The following HMCN2 variants were observed in gnomAD, a reference collection of about 807,000 sequenced individuals.
HMCN2 encodes the protein hemicentin-2.
HMCN2 carries 325 observed loss-of-function variants against 377.5 expected under a neutral mutation model. That is an observed-to-expected ratio of 0.86 (90% confidence interval 0.79 to 0.94). HMCN2 has a LOEUF of 0.94. Among genes scored for constraint, HMCN2 ranks in the 40% least tolerant of loss-of-function variants. The pLI is 0.00. For synonymous variants in HMCN2, 2,007 were observed against 2,046.8 expected (o/e 0.98, Z 0.53); for missense variants, 4,543 against 4,725.3 (o/e 0.96, Z 1.13).
At position 130,393,590 on chromosome 9, in the gene HMCN2, T is replaced by C. The variant is rs1467015204; in HGVS notation, c.10235-152T>C. On this transcript the variant is annotated intron_variant, in intron 67 of 97. Coordinates refer to ENST00000683500, the MANE Select transcript of HMCN2 (RefSeq NM_001291815.2). The surrounding 1 kb of genome is among the most constrained non-coding windows in gnomAD (Gnocchi z 5.2). ...CCAGGGAACTAGTGACACCAGGGGA[T>C]GGAGAGGATGCTGTGGGAGCACAGA... Among the ~76,000 whole-genome samples, 1 of 152,020 alleles carries C rather than the reference T, an allele frequency of 6.6e-6. No individual in the cohort carries two copies. Among genetic ancestry groups the C allele is most frequent in the African/African-American group, 2.4e-5 (1 of 41,376 alleles).
At chr9:130,326,801 G>A (rs986448421) in intron 21 of HMCN2, among the ~76,000 whole-genome samples, 8 of 152,122 alleles carry the variant, frequency 5.3e-5, no homozygotes, top group Admixed American at 1.3e-4. Flanking sequence ...TGTTTCTGCC[G>A]ACGAAGGGTC....
At chr9:130,328,658 G>C (rs1186422913) in intron 22 of HMCN2, among the ~76,000 whole-genome samples, 1 of 152,132 alleles carries the variant, frequency 6.6e-6, no homozygotes, top group African/African-American at 2.4e-5. Context: ...TGGGAGGCGG[G>C]GGTGGGGTTA....
chr9:130,403,096 T>C (rs573032023), intron 78 of HMCN2, 98 bp from the exon 79 acceptor site: 2 of 1,163,332 alleles, frequency 1.7e-6, no homozygotes, highest in South Asian at 3.0e-5. Context: ...ACCCCCGTTC[T>C]CCTTAGAGGC....
intron 19 of HMCN2, among the ~76,000 whole-genome samples, chr9:130,322,619 A>G (rs1837918761): frequency 6.6e-6 from 1 of 152,188 alleles, no homozygotes. Flanking sequence ...CACCCCGGGT[A>G]TGAACAGCCT....
At chr9:130,266,288 A>G (rs1834095441) in intron 1 of HMCN2, among the ~76,000 whole-genome samples, 151 bp downstream of exon 1, 1 of 152,150 alleles carries the variant, frequency 6.6e-6, no homozygotes, top group Non-Finnish European at 1.5e-5. Context: ...CGCTGCGGGT[A>G]CCCTGGCCAC....
intron 74 of HMCN2, 138 bp from the exon 75 acceptor site, chr9:130,398,413 T>C: frequency 4.1e-6 from 1 of 246,258 alleles, no homozygotes; most frequent in Non-Finnish European, 6.5e-6. Flanking sequence ...CGGGGCTTTC[T>C]CCTGCCCTCT....
intron 53 of HMCN2, among the ~76,000 whole-genome samples, chr9:130,378,982 A>T (rs1841553241): frequency 6.6e-6 from 1 of 152,140 alleles, no homozygotes; most frequent in Admixed American, 6.6e-5. Context: ...AACTGTGAAA[A>T]ATATTTCCAT....
In HMCN2 at chr9:130,375,672, C is replaced by T. The variant is rs1841335178; in HGVS notation, c.7740C>T (p.Pro2580=). Residue 2580 remains proline, a synonymous_variant, in exon 50 of 98, where the codon CCC becomes CCT. Transcript: ENST00000683500. ...LICEALAFPS[P]NITWMKDGAP... ...GCGAGGCCCTGGCCTTCCCTTCCCC[C>T]AACATCACCTGGATGAAGGACGGGG... 1 of 985,844 alleles carries T rather than the reference C, an allele frequency of 1.0e-6. No individual in the cohort carries two copies. Among genetic ancestry groups the T allele is most frequent in the South Asian group, 4.7e-5 (1 of 21,290 alleles). The allele number at this position is 985,844 out of a possible 1,614,324, so 61.1% of individuals were successfully genotyped here. A position where few individuals can be genotyped will look rare whatever the true frequency, so the allele number is the denominator to read the frequency against.
chr9:130,419,200 G>A lies in HMCN2; in HGVS notation c.13231+159G>A, dbSNP rs575377662. 6.2e-5 allele frequency: 39 copies of A among 630,572 alleles called. No homozygotes were observed. The Middle Eastern group carries it at 1.1e-3, about 17-fold the overall frequency. 39.1% of individuals were successfully genotyped at this position (630,572 alleles called of 1,614,324 possible). On this transcript the variant is annotated intron_variant, in intron 86 of 97. Transcript: ENST00000683500. The stretch of plus-strand genomic sequence containing the variant: ...CCCAGAATGAACCCCTACCCTGCCC[G>A]TTTACAGTTGGGTAAACTGAATCTT...
intron 81 of HMCN2, 97 bp from the exon 82 acceptor site, chr9:130,405,858 G>A: frequency 3.2e-6 from 3 of 933,540 alleles, no homozygotes; most frequent in Non-Finnish European, 4.3e-6. Flanking sequence ...TCCCCTCTCT[G>A]GGCTGGATGC....
chr9:130,315,180 C>A (rs1490860733), intron 15 of HMCN2, among the ~76,000 whole-genome samples: 3 of 108,948 alleles, frequency 2.8e-5, no homozygotes, highest in South Asian at 7.7e-4. Flanking sequence ...GCTCCTTCCT[C>A]CCTTCCTCCC....
chr9:130,433,429 G>A lies in HMCN2; in HGVS notation c.14976G>A (p.Leu4992=), dbSNP rs1844886874. 1.3e-6 allele frequency: 2 copies of A among 1,493,644 alleles called. No homozygotes were observed. Among genetic ancestry groups the A allele is most frequent in the Non-Finnish European group, 8.9e-7 (1 of 1,129,880 alleles). The allele number at this position is 1,493,644 out of a possible 1,614,324, so 92.5% of individuals were successfully genotyped here. A position where few individuals can be genotyped will look rare whatever the true frequency, so the allele number is the denominator to read the frequency against. Reference sequence around the variant, plus strand: ...AGTACCGGCTGCTGCCGCTGCCCCTGGGCGTGCGCGCCCACCACGACGTGG... The same window carrying A: ...AGTACCGGCTGCTGCCGCTGCCCCTAGGCGTGCGCGCCCACCACGACGTGG... ...TLQYRLLPLP[L]GVRAHHDVAR... is the part of the protein sequence containing the mutation. The change falls in exon 98 of 98, where the codon CTG becomes CTA. Residue 4992 remains leucine, a synonymous_variant. Coordinates refer to ENST00000683500, the MANE Select transcript of HMCN2 (RefSeq NM_001291815.2).
At chr9:130,382,357 C>T (rs1157673720) in intron 55 of HMCN2, 60 bp downstream of exon 55, 9 of 793,032 alleles carry the variant, frequency 1.1e-5, no homozygotes, top group South Asian at 5.7e-5. Context: ...AAGGGCCTCC[C>T]TCAGAAGGGG....
intron 25 of HMCN2, among the ~76,000 whole-genome samples, chr9:130,344,197 G>A (rs1249619809): frequency 2.0e-5 from 3 of 152,208 alleles, no homozygotes; most frequent in African/African-American, 4.8e-5. Context: ...CCGGCGTGGC[G>A]GGAAGTACAG....
Position 130,394,427 on chromosome 9 carries a change from C to A in HMCN2, c.10544C>A (p.Ser3515Ter), listed in dbSNP as rs746834530. The A allele has an allele frequency of 8.5e-6, 11 of 1,289,684 alleles. 1 individual carries two copies. The South Asian group carries it at 9.9e-5, about 12-fold the overall frequency. 79.9% of individuals were successfully genotyped at this position (1,289,684 alleles called of 1,614,324 possible). ...IEDSGQPTEL[S>*]LTPGAPMELL... The stretch of plus-strand genomic sequence containing the variant: ...GACTCAGGCCAGCCTACAGAGCTGT[C>A]GCTGACCCCCGGCGCCCCCATGGAG... Residue 3515 changes from serine (S) to a stop codon, truncating the protein, a stop_gained, in exon 69 of 98, where the codon TCG (serine) becomes TAG (stop). Coordinates refer to ENST00000683500, the MANE Select transcript of HMCN2 (RefSeq NM_001291815.2). LOFTEE classifies it high-confidence loss of function. The surrounding 1 kb of genome is among the most constrained non-coding windows in gnomAD (Gnocchi z 5.1).
At chr9:130,368,582 T>G in intron 44 of HMCN2, 145 bp downstream of exon 44, 1 of 244,630 alleles carries the variant, frequency 4.1e-6, no homozygotes, top group Non-Finnish European at 6.6e-6. Flanking sequence ...TGTGAGTCCG[T>G]TCTCACACTG....
intron 79 of HMCN2, among the ~76,000 whole-genome samples, 165 bp downstream of exon 79, chr9:130,403,493 C>T (rs72761290): frequency 1.3e-5 from 2 of 152,184 alleles, no homozygotes; most frequent in Non-Finnish European, 2.9e-5. Context: ...TGGCCTCCCC[C>T]TCCCCAACCC....
In HMCN2 at chr9:130,306,206, T is replaced by C; in HGVS notation, c.1894T>C (p.Ser632Pro). ...GVEVKVSCSASGYPTPHISWS... is the reference protein window; with the variant it reads ...GVEVKVSCSAPGYPTPHISWS... ...GGAGGTGAAGGTCAGCTGCTCAGCC[T>C]CTGGATACCCCACACCCCACATCTC... Residue 632 changes from serine to proline, a missense_variant, in exon 12 of 98, where the codon TCT becomes CCT. Ser to Pro is a moderately conservative substitution (Grantham distance 74). This residue lies in a region of HMCN2 where 547 missense variants were observed against 189.9 expected (regional missense o/e 2.88). Transcript: ENST00000683500. 1 of 470,986 alleles carries C rather than the reference T, an allele frequency of 2.1e-6. No homozygotes were observed. Among genetic ancestry groups the C allele is most frequent in the Non-Finnish European group, 4.4e-6 (1 of 227,012 alleles). 29.2% of individuals were successfully genotyped at this position (470,986 alleles called of 1,614,324 possible). A position where few individuals can be genotyped will look rare whatever the true frequency, so the allele number is the denominator to read the frequency against.
At chr9:130,416,785 C>G (rs1843720213) in intron 85 of HMCN2, among the ~76,000 whole-genome samples, 1 of 151,830 alleles carries the variant, frequency 6.6e-6, no homozygotes, top group Non-Finnish European at 1.5e-5. Context: ...TGTCCAGGTC[C>G]TAGTCCCCAG....
Sources: allele counts gnomAD v4.1 joint callset (sites outside exome capture counted in the v4.1 genomes callset), GRCh38; gene constraint gnomAD v4.1.1; regional missense constraint gnomAD v4.1.1; non-coding constraint Gnocchi (gnomAD v3.1); transcripts MANE v1.5; gene names NCBI Gene and HGNC (gene_info 2026-07-23, HGNC 2026-07-21).